SCFD2: variants seen among roughly 807,000 people sequenced by gnomAD.
SCFD2 encodes the protein sec1 family domain-containing protein 2.
Under a neutral mutation model 58.9 loss-of-function variants are expected in SCFD2, and 54 were observed. That is an observed-to-expected ratio of 0.92 (90% CI 0.74 to 1.15). SCFD2 has a LOEUF of 1.15. SCFD2 is among the 50% of genes most tolerant of loss of function. SCFD2 has a pLI of 0.00. For missense variants in SCFD2, 805 were observed against 836.6 expected (o/e 0.96, Z 0.47); for synonymous variants, 321 against 335.9 (o/e 0.96, Z 0.49).
intron 4 of SCFD2, among the ~76,000 whole-genome samples, chr4:53,246,899 A>G (rs1020286624): frequency 2.0e-5 from 3 of 148,602 alleles, no homozygotes; most frequent in African/African-American, 7.4e-5. Flanking sequence ...CTATCAACAG[A>G]GCAAACATAC....
At chr4:52,885,917 C>A (rs1718729703) in intron 7 of SCFD2, 51 bp from the exon 8 acceptor site, 1 of 1,608,800 alleles carries the variant, frequency 6.2e-7, no homozygotes, top group South Asian at 1.1e-5. Flanking sequence ...GATGCAGGCA[C>A]AATGCAGCTG....
chr4:53,206,529 TAGA>T (rs1577839811), intron 4 of SCFD2, among the ~76,000 whole-genome samples: 1 of 152,046 alleles, frequency 6.6e-6, no homozygotes, highest in Non-Finnish European at 1.5e-5. Context: ...TTGTAAGTTA[TAGA>T]AGGTGAGAAA....
At chr4:53,163,767 A>T (rs1456088368) in intron 4 of SCFD2, among the ~76,000 whole-genome samples, 1 of 152,112 alleles carries the variant, frequency 6.6e-6, no homozygotes, top group Non-Finnish European at 1.5e-5. Flanking sequence ...AGAAGAGAGA[A>T]CCAAAGAGGA....
chr4:53,068,448 G>A (rs1354349765), intron 5 of SCFD2, among the ~76,000 whole-genome samples: 1 of 151,982 alleles, frequency 6.6e-6, no homozygotes, highest in Non-Finnish European at 1.5e-5. Context: ...AAGGAGAGAG[G>A]GAGAATAAGA....
intron 5 of SCFD2, among the ~76,000 whole-genome samples, chr4:53,013,808 C>A (rs1250751620): frequency 1.3e-5 from 2 of 152,122 alleles, no homozygotes; most frequent in Non-Finnish European, 2.9e-5. Flanking sequence ...TTTTTAAATT[C>A]CAAGAAGCTT....
chr4:53,215,381 T>G (rs948640858), intron 4 of SCFD2, among the ~76,000 whole-genome samples: 19 of 152,136 alleles, frequency 1.2e-4, no homozygotes, highest in African/African-American at 2.7e-4. Context: ...CCCTTGTAAG[T>G]TGGATTCCTA....
At chr4:52,929,286 T>C (rs1230028388) in intron 5 of SCFD2, among the ~76,000 whole-genome samples, 1 of 152,196 alleles carries the variant, frequency 6.6e-6, no homozygotes, top group Non-Finnish European at 1.5e-5. Flanking sequence ...GTTTATTATA[T>C]AAGTATGTTT....
chr4:53,346,862 T>C (rs530284067), intron 2 of SCFD2, among the ~76,000 whole-genome samples: 1 of 152,330 alleles, frequency 6.6e-6, no homozygotes, highest in African/African-American at 2.4e-5. Context: ...GTGAGAACCC[T>C]ACCTTAAGCT....
intron 3 of SCFD2, among the ~76,000 whole-genome samples, chr4:53,290,382 C>T (rs1007825817): frequency 6.6e-6 from 1 of 151,784 alleles, no homozygotes; most frequent in Non-Finnish European, 1.5e-5. Flanking sequence ...AAACATGGGT[C>T]AAGAAAGAAA....
intron 5 of SCFD2, among the ~76,000 whole-genome samples, chr4:52,960,409 C>T (rs1437959970): frequency 1.7e-4 from 26 of 150,698 alleles, no homozygotes; most frequent in Non-Finnish European, 3.7e-4. Context: ...GCTCTTGTTG[C>T]CCAGGCTGGA....
chr4:53,073,182 A>T (rs1459306273), intron 5 of SCFD2, among the ~76,000 whole-genome samples: 1 of 152,036 alleles, frequency 6.6e-6, no homozygotes, highest in Non-Finnish European at 1.5e-5. Flanking sequence ...ATACCTAATT[A>T]TATTAGGTAT....
At chr4:53,221,367 C>T (rs1389377002) in intron 4 of SCFD2, among the ~76,000 whole-genome samples, 1 of 152,220 alleles carries the variant, frequency 6.6e-6, no homozygotes, top group Non-Finnish European at 1.5e-5. Flanking sequence ...TCACAAGCAT[C>T]CTTGTCTATT....
chr4:52,978,197 C>T (rs960893795), intron 5 of SCFD2, among the ~76,000 whole-genome samples: 4 of 152,128 alleles, frequency 2.6e-5, no homozygotes, highest in African/African-American at 7.2e-5. Context: ...GAGGAAGATA[C>T]AGAATCTGGA....
chr4:53,242,164 T>C (rs142716403), intron 4 of SCFD2, among the ~76,000 whole-genome samples: 27 of 152,390 alleles, frequency 1.8e-4, no homozygotes, highest in African/African-American at 5.5e-4. Flanking sequence ...GCTGCTAGTA[T>C]GTGCAAACAA....
At chr4:53,334,805 A>G (rs1733623541) in intron 2 of SCFD2, among the ~76,000 whole-genome samples, 1 of 152,224 alleles carries the variant, frequency 6.6e-6, no homozygotes, top group African/African-American at 2.4e-5. Flanking sequence ...GACATGGAAG[A>G]GACTATTTAC....
Position 52,888,868 on chromosome 4 carries a change from A to G in SCFD2, c.1843-3002T>C, listed in dbSNP as rs532164671. 3.3e-5 allele frequency among the ~76,000 whole-genome samples: 5 copies of G among 152,170 alleles called. No individual in the cohort carries two copies. In the South Asian group the frequency reaches 1.0e-3, roughly 32 times the overall value. On this transcript the variant is annotated intron_variant, in intron 7 of 8. Transcript: ENST00000401642. ...TCAAACCTATGTCTTTTGCTCAGTC[A>G]TCTCTATTGAGCTCCTGTGGACATC...
chr4:52,991,913 T>C (rs1428105073), intron 5 of SCFD2, among the ~76,000 whole-genome samples: 1 of 152,166 alleles, frequency 6.6e-6, no homozygotes, highest in Non-Finnish European at 1.5e-5. Flanking sequence ...AATGTACATG[T>C]CTTTATAGTG....
intron 4 of SCFD2, among the ~76,000 whole-genome samples, chr4:53,149,020 A>C (rs1439580253): frequency 3.3e-5 from 5 of 152,232 alleles, no homozygotes; most frequent in Admixed American, 3.3e-4. Context: ...TTTAATGCTC[A>C]AAGAAGAAAA....
chr4:52,924,288 A>T (rs1184912132), intron 5 of SCFD2, among the ~76,000 whole-genome samples: 1 of 152,172 alleles, frequency 6.6e-6, no homozygotes, highest in Non-Finnish European at 1.5e-5. Context: ...TGGATTATAC[A>T]TTGACATTAA....
Sources: allele counts gnomAD v4.1 joint callset (sites outside exome capture counted in the v4.1 genomes callset), GRCh38; gene constraint gnomAD v4.1.1; transcripts MANE v1.5; gene names NCBI Gene and HGNC (gene_info 2026-07-23, HGNC 2026-07-21).